Variants in KCNMB2 observed in about 807,000 individuals in gnomAD.
The protein encoded by KCNMB2 is calcium-activated potassium channel subunit beta-2.
A neutral mutation model predicts 24.5 loss-of-function variants in KCNMB2; 9 were observed. That is an observed-to-expected ratio of 0.37 (90% confidence interval 0.22 to 0.64). The LOEUF (loss-of-function observed/expected upper bound fraction) is 0.64, where lower values mean the gene tolerates loss of function less well. KCNMB2 is among the 30% of genes least tolerant of loss of function. KCNMB2 has a pLI of 0.63. For missense variants in KCNMB2, 226 were observed against 284.3 expected (o/e 0.79, Z 1.47); for synonymous variants, 109 against 104.4 (o/e 1.04, Z -0.27).
At chr3:178,629,387 G>C (rs1719231862) in intron 1 of KCNMB2, among the ~76,000 whole-genome samples, 1 of 152,206 alleles carries the variant, frequency 6.6e-6, no homozygotes, top group Non-Finnish European at 1.5e-5. Context: ...CTGAAAGGCA[G>C]AGTGGTGAAG....
chr3:178,588,637 TATC>T (rs1252692518), intron 1 of KCNMB2, among the ~76,000 whole-genome samples: 1 of 152,154 alleles, frequency 6.6e-6, no homozygotes, highest in Non-Finnish European at 1.5e-5. Flanking sequence ...ATATTCATAA[TATC>T]ATATGTATAT....
chr3:178,799,953 G>T (rs1013634967), intron 1 of KCNMB2, among the ~76,000 whole-genome samples: 29 of 152,106 alleles, frequency 1.9e-4, no homozygotes, highest in Admixed American at 1.8e-3. Context: ...AATAAATGGT[G>T]CTGGGAAAAC....
chr3:178,561,977 T>C (rs1336929854), intron 1 of KCNMB2, among the ~76,000 whole-genome samples: 1 of 152,214 alleles, frequency 6.6e-6, no homozygotes, highest in Non-Finnish European at 1.5e-5. Flanking sequence ...TCCACTTTGG[T>C]GTACATGAAA....
chr3:178,762,166 G>A (rs1474936618), intron 1 of KCNMB2, among the ~76,000 whole-genome samples: 5 of 151,572 alleles, frequency 3.3e-5, no homozygotes, highest in South Asian at 2.1e-4. Flanking sequence ...GCGAGACTCC[G>A]TCTCAAAAAA....
intron 1 of KCNMB2, among the ~76,000 whole-genome samples, chr3:178,727,894 G>T (rs776483983): frequency 6.6e-6 from 1 of 152,150 alleles, no homozygotes; most frequent in Non-Finnish European, 1.5e-5. Flanking sequence ...TCCAGGCCAG[G>T]TTAAATGCTA....
chr3:178,780,544 A>G (rs1712787397), intron 1 of KCNMB2, among the ~76,000 whole-genome samples: 1 of 152,220 alleles, frequency 6.6e-6, no homozygotes, highest in African/African-American at 2.4e-5. Flanking sequence ...AAATAATGGT[A>G]TTACAATTTC....
chr3:178,660,327 G>A (rs908348847), intron 1 of KCNMB2, among the ~76,000 whole-genome samples: 1 of 152,056 alleles, frequency 6.6e-6, no homozygotes, highest in Non-Finnish European at 1.5e-5. Context: ...TTATTATTAC[G>A]AATATTCCCT....
At chr3:178,773,419 T>C (rs982487376) in intron 1 of KCNMB2, among the ~76,000 whole-genome samples, 1 of 152,146 alleles carries the variant, frequency 6.6e-6, no homozygotes, top group African/African-American at 2.4e-5. Flanking sequence ...ATATCAGACC[T>C]GCTTTTCCCC....
intron 1 of KCNMB2, among the ~76,000 whole-genome samples, chr3:178,688,187 G>A (rs1432565581): frequency 6.6e-6 from 1 of 152,142 alleles, no homozygotes; most frequent in Non-Finnish European, 1.5e-5. Context: ...GATTCTGAGT[G>A]CTCAGGTGAA....
At chr3:178,789,381 C>T (rs1400806555) in intron 1 of KCNMB2, among the ~76,000 whole-genome samples, 1 of 152,174 alleles carries the variant, frequency 6.6e-6, no homozygotes, top group Non-Finnish European at 1.5e-5. Flanking sequence ...ACCACCACTT[C>T]CAAGCAATAG....
intron 1 of KCNMB2, among the ~76,000 whole-genome samples, chr3:178,669,952 G>T (rs1396585657): frequency 1.3e-5 from 2 of 151,958 alleles, no homozygotes; most frequent in African/African-American, 2.4e-5. Flanking sequence ...GCCAAGAAAA[G>T]TTTCACTTTT....
chr3:178,784,283 C>G (rs1713005088), intron 1 of KCNMB2, among the ~76,000 whole-genome samples: 2 of 152,134 alleles, frequency 1.3e-5, no homozygotes. Flanking sequence ...TTCATTTTTA[C>G]AGATAAGGAC....
At chr3:178,573,008 C>T (rs1039421761) in intron 1 of KCNMB2, among the ~76,000 whole-genome samples, 2 of 151,822 alleles carry the variant, frequency 1.3e-5, no homozygotes, top group African/African-American at 2.4e-5. Context: ...AATGTAAATA[C>T]ATTTGAGGAA....
chr3:178,626,377 G>T (rs1317851594), intron 1 of KCNMB2, among the ~76,000 whole-genome samples: 1 of 152,310 alleles, frequency 6.6e-6, no homozygotes, highest in East Asian at 1.9e-4. Context: ...CTTGCAAAGT[G>T]CCTGACACAT....
intron 2 of KCNMB2, among the ~76,000 whole-genome samples, chr3:178,811,328 CATCAATCAAT>C (rs1714183429): frequency 6.6e-6 from 1 of 152,142 alleles, no homozygotes; most frequent in African/African-American, 2.4e-5. Flanking sequence ...TTCTACTCCC[CATCAATCAAT>C]ATCAATCAAT....
At chr3:178,688,636 G>T (rs531659065) in intron 1 of KCNMB2, among the ~76,000 whole-genome samples, 4 of 152,112 alleles carry the variant, frequency 2.6e-5, no homozygotes, top group African/African-American at 9.6e-5. Flanking sequence ...CAGGAAAAAT[G>T]AAAGGACAAG....
intron 4 of KCNMB2, among the ~76,000 whole-genome samples, chr3:178,829,662 T>C (rs1714980447): frequency 6.6e-6 from 1 of 152,184 alleles, no homozygotes; most frequent in Non-Finnish European, 1.5e-5. Context: ...TGACCAGTAA[T>C]GACAAATGCC....
chr3:178,650,121 A>T (rs1456687159), intron 1 of KCNMB2, among the ~76,000 whole-genome samples: 1 of 152,144 alleles, frequency 6.6e-6, no homozygotes, highest in African/African-American at 2.4e-5. Flanking sequence ...ATTCAGGAGT[A>T]GCTTGTTCAG....
At chr3:178,767,793 A>C (rs978521570) in intron 1 of KCNMB2, among the ~76,000 whole-genome samples, 1 of 152,128 alleles carries the variant, frequency 6.6e-6, no homozygotes, top group Admixed American at 6.5e-5. Context: ...CACATGTCTC[A>C]TTCAAGGCCA....
Sources: allele counts gnomAD v4.1 joint callset (sites outside exome capture counted in the v4.1 genomes callset), GRCh38; gene constraint gnomAD v4.1.1; transcripts MANE v1.5; gene names NCBI Gene and HGNC (gene_info 2026-07-23, HGNC 2026-07-21).